Variants in DOCK5 observed in about 807,000 individuals in gnomAD.
DOCK5 encodes the protein dedicator of cytokinesis protein 5.
Under a neutral mutation model 251.8 loss-of-function variants are expected in DOCK5, and 142 were observed. That is an observed-to-expected ratio of 0.56 (90% confidence interval 0.49 to 0.65). The LOEUF (loss-of-function observed/expected upper bound fraction) is 0.65. Ranked by LOEUF, DOCK5 falls within the 30% of genes least tolerant of loss-of-function variation. The probability of loss-of-function intolerance (pLI) is 0.00; values close to 1 mark genes in which losing one functional copy is unlikely to be tolerated. For synonymous variants in DOCK5, 842 were observed against 835.5 expected (o/e 1.01, Z -0.13); for missense variants, 2,111 against 2,312.3 (o/e 0.91, Z 1.79).
At chr8:25,213,177 G>A (rs368395594) in intron 1 of DOCK5, among the ~76,000 whole-genome samples, 3 of 151,934 alleles carry the variant, frequency 2.0e-5, no homozygotes, top group Non-Finnish European at 2.9e-5. Context: ...TTTCCTGTGC[G>A]TCAGGCCCAG....
chr8:25,188,014 A>G (rs778497013), intron 1 of DOCK5, among the ~76,000 whole-genome samples: 4 of 152,142 alleles, frequency 2.6e-5, no homozygotes, highest in Non-Finnish European at 5.9e-5. Flanking sequence ...TATTCCTAGC[A>G]CTCAACAGGT....
rs116149822 is a variant in DOCK5 at position 25,218,224 on chromosome 8, A to G, written c.44-25450A>G. 7.3e-3 allele frequency among the ~76,000 whole-genome samples: 1,113 copies of G among 152,272 alleles called. 16 individuals carry two copies. Among genetic ancestry groups the G allele is most frequent in the African/African-American group, 0.026 (1,073 of 41,570 alleles). On this transcript the variant is annotated intron_variant, in intron 1 of 51. Coordinates refer to ENST00000276440, the MANE Select transcript of DOCK5 (RefSeq NM_024940.8). ...TTAAACTTTTTAAGATTTTTTCAGA[A>G]TGGTTATGACCTGATTAAGTGACAG... is the stretch of plus-strand genomic sequence containing the variant.
intron 1 of DOCK5, among the ~76,000 whole-genome samples, chr8:25,202,739 G>T (rs1801908955): frequency 6.6e-6 from 1 of 152,174 alleles, no homozygotes; most frequent in African/African-American, 2.4e-5. Flanking sequence ...ATTAGGCACA[G>T]TAAGAGGTTA....
chr8:25,348,552 T>C (rs1457472357), intron 26 of DOCK5, among the ~76,000 whole-genome samples: 1 of 152,114 alleles, frequency 6.6e-6, no homozygotes, highest in African/African-American at 2.4e-5. Context: ...TTTAAATGTA[T>C]GTCCCAGCTG....
chr8:25,304,287 G>A lies in DOCK5; in HGVS notation c.1009G>A (p.Val337Met), dbSNP rs979022262. 11 of 1,610,720 alleles carry A rather than the reference G, an allele frequency of 6.8e-6. No individual in the cohort carries two copies. The highest frequency in any genetic ancestry group is 9.3e-6 in the Non-Finnish European group (11 of 1,178,628). ...MDITDIIHGK[V>M]DDEEKQHFIP... is the part of the protein sequence containing the mutation. ...TATTACTGATATCATACATGGGAAG[G>A]TGGATGATGAAGAAAAGCAGCATTT... Residue 337 changes from valine to methionine, a missense_variant, in exon 11 of 52, where the codon GTG (valine) becomes ATG (methionine). Around this residue, in one of 3 missense-constraint regions of DOCK5, gnomAD observed 1,717 missense variants for 1,892.4 expected, o/e 0.91. Transcript: ENST00000276440.
At chr8:25,320,609 CT>C (rs1805397805) in intron 15 of DOCK5, among the ~76,000 whole-genome samples, 1 of 152,164 alleles carries the variant, frequency 6.6e-6, no homozygotes, top group African/African-American at 2.4e-5. Context: ...ACCTTTCCCC[CT>C]CTTTATGGAA....
At chr8:25,283,597 C>G (rs1804258136) in intron 5 of DOCK5, among the ~76,000 whole-genome samples, 1 of 148,614 alleles carries the variant, frequency 6.7e-6, no homozygotes, top group African/African-American at 2.4e-5. Context: ...ATCTGGACAC[C>G]CTCCCTCTGG....
intron 21 of DOCK5, among the ~76,000 whole-genome samples, chr8:25,335,002 G>T (rs1367080703): frequency 6.6e-6 from 1 of 152,060 alleles, no homozygotes; most frequent in African/African-American, 2.4e-5. Flanking sequence ...TTGGTTTATG[G>T]GCCCCTGACT....
At chr8:25,393,853 G>T (rs2117323621) in intron 44 of DOCK5, among the ~76,000 whole-genome samples, 1 of 152,200 alleles carries the variant, frequency 6.6e-6, no homozygotes, top group East Asian at 1.9e-4. Context: ...TTTTGTATCT[G>T]TGGTGCATAG....
chr8:25,299,163 C>T, intron 8 of DOCK5, 62 bp downstream of exon 8: 2 of 1,551,216 alleles, frequency 1.3e-6, no homozygotes, highest in South Asian at 1.2e-5. Context: ...TCCCCTGACC[C>T]CTACCCGGGC....
chr8:25,317,672 A>G (rs1805293116), intron 14 of DOCK5, among the ~76,000 whole-genome samples: 1 of 152,090 alleles, frequency 6.6e-6, no homozygotes, highest in Admixed American at 6.6e-5. Flanking sequence ...GTGCAGTGGC[A>G]CGATCTCCAC....
intron 44 of DOCK5, among the ~76,000 whole-genome samples, chr8:25,393,919 CTG>C (rs1182828118): frequency 6.6e-5 from 10 of 151,976 alleles, no homozygotes; most frequent in Non-Finnish European, 1.5e-4. Context: ...CAAAGCTGAA[CTG>C]AAGTTTGATG....
intron 33 of DOCK5, 81 bp downstream of exon 33, chr8:25,368,806 A>G: frequency 7.2e-7 from 1 of 1,390,758 alleles, no homozygotes; most frequent in Non-Finnish European, 9.7e-7. Flanking sequence ...ATAGAGAAGC[A>G]GTAACCTTAA....
chr8:25,403,781 GCCTTTAGCCACGCATCACT>G, intron 48 of DOCK5, 57 bp downstream of exon 48: 1 of 1,574,836 alleles, frequency 6.3e-7, no homozygotes, highest in East Asian at 2.3e-5. Flanking sequence ...ACTAATGTTT[GCCTTTAGCCACGCATCACT>G]CCTTTGAGAA....
chr8:25,290,729 T>C (rs577275323), intron 5 of DOCK5, among the ~76,000 whole-genome samples: 67 of 152,328 alleles, frequency 4.4e-4, no homozygotes, highest in African/African-American at 1.6e-3. Flanking sequence ...GACACACAAA[T>C]GAACAAACTC....
At chr8:25,211,384 A>G (rs1802120265) in intron 1 of DOCK5, among the ~76,000 whole-genome samples, 2 of 71,076 alleles carry the variant, frequency 2.8e-5, no homozygotes, top group Non-Finnish European at 4.6e-5. Context: ...AGCATTGTAT[A>G]GATAAACTGT....
At chr8:25,303,675 A>G (rs546894227) in intron 10 of DOCK5, among the ~76,000 whole-genome samples, 21 of 152,088 alleles carry the variant, frequency 1.4e-4, no homozygotes, top group Non-Finnish European at 1.9e-4. Flanking sequence ...GAATTTAGCA[A>G]CTCGGGCGGG....
Position 25,336,298 on chromosome 8 carries a change from A to C in DOCK5, c.2252A>C (p.Glu751Ala). 2 of 1,613,970 alleles carry C rather than the reference A, an allele frequency of 1.2e-6. No individual in the cohort carries two copies. Among genetic ancestry groups the C allele is most frequent in the South Asian group, 2.2e-5 (2 of 91,070 alleles). ...VANADDSSKTELLFAALKALK... is the reference protein window; with the variant it reads ...VANADDSSKTALLFAALKALK... Reference sequence around the variant, plus strand: ...AATGCAGATGACTCCAGCAAGACTGAACTGCTTTTTGCTGCGTTGAAAGCC... The same window carrying C: ...AATGCAGATGACTCCAGCAAGACTGCACTGCTTTTTGCTGCGTTGAAAGCC... The change falls in exon 22 of 52, where the codon GAA becomes GCA. Residue 751 changes from glutamate to alanine, a missense_variant. By Grantham distance (107) the Glu-to-Ala change is moderately radical. Coordinates refer to ENST00000276440, the MANE Select transcript of DOCK5 (RefSeq NM_024940.8).
rs1554513012 is a variant in DOCK5, at chr8:25,410,939, A to AATGTG, written c.5509-255_5509-254insATGTG. ...TATGGCAGCGAGAGAGAGAGAGAAAATGTGTGTGTGTGTGTGTGTGTGTGT... is the reference window on the plus strand; with the variant it reads ...TATGGCAGCGAGAGAGAGAGAGAAAAATGTGTGTGTGTGTGTGTGTGTGTGTGTGT... On this transcript the variant is annotated intron_variant, in intron 51 of 51. Coordinates refer to ENST00000276440, the MANE Select transcript of DOCK5 (RefSeq NM_024940.8). Among the ~76,000 whole-genome samples, 51 of 102,138 alleles carry AATGTG rather than the reference A, an allele frequency of 5.0e-4. 1 individual carries two copies. Among genetic ancestry groups the AATGTG allele is most frequent in the Admixed American group, 2.1e-3 (20 of 9,522 alleles). 67.0% of individuals were successfully genotyped at this position (102,138 alleles called of 152,430 possible).
Sources: allele counts gnomAD v4.1 joint callset (sites outside exome capture counted in the v4.1 genomes callset), GRCh38; gene constraint gnomAD v4.1.1; regional missense constraint gnomAD v4.1.1; transcripts MANE v1.5; gene names NCBI Gene and HGNC (gene_info 2026-07-23, HGNC 2026-07-21).